Variants in COBLL1 observed in about 807,000 individuals in gnomAD.
The protein encoded by COBLL1 is cordon-bleu WH2 repeat protein like 1.
COBLL1 carries 50 observed loss-of-function variants against 94.8 expected under a neutral mutation model. That is an observed-to-expected ratio of 0.53 (90% CI 0.42 to 0.67). The LOEUF (loss-of-function observed/expected upper bound fraction) is 0.67, where lower values mean the gene tolerates loss of function less well. Ranked by LOEUF, COBLL1 falls within the 30% of genes least tolerant of loss-of-function variation. The probability of loss-of-function intolerance (pLI) is 0.00; values close to 1 mark genes in which losing one functional copy is unlikely to be tolerated. For synonymous variants in COBLL1, 448 were observed against 473.8 expected, an observed-to-expected ratio of 0.95 and a Z score of 0.71; for missense variants, 1,362 against 1,348.7, an observed-to-expected ratio of 1.01 and a Z score of -0.15.
chr2:164,704,337 G>T (rs533637492), intron 9 of COBLL1, 107 bp downstream of exon 9: 4 of 785,774 alleles, frequency 5.1e-6, no homozygotes, highest in Admixed American at 4.5e-5. Flanking sequence ...TGAGGCCAAA[G>T]AATCTGTATC....
chr2:164,674,768 T>C (rs1297464585), intron 1 of COBLL1, among the ~76,000 whole-genome samples: 1 of 152,214 alleles, frequency 6.6e-6, no homozygotes, highest in South Asian at 2.1e-4. Flanking sequence ...GCATGAATAA[T>C]ATAACATAGT....
intron 2 of COBLL1, among the ~76,000 whole-genome samples, chr2:164,775,233 A>T (rs568832321): frequency 6.6e-6 from 1 of 151,638 alleles, no homozygotes; most frequent in African/African-American, 2.4e-5. Context: ...TCTGGCTACC[A>T]CCCCCAACCC....
chr2:164,716,713 GCA>G (rs1254509960), intron 7 of COBLL1, among the ~76,000 whole-genome samples: 2 of 152,118 alleles, frequency 1.3e-5, no homozygotes, highest in African/African-American at 4.8e-5. Flanking sequence ...TTTGGAAACT[GCA>G]CAGTTAGTTT....
intron 3 of COBLL1, among the ~76,000 whole-genome samples, chr2:164,732,234 A>G (rs1428468464): frequency 1.3e-5 from 2 of 152,256 alleles, no homozygotes; most frequent in East Asian, 1.9e-4. Context: ...CTCAAAATAC[A>G]TTTCCTGTGT....
intron 2 of COBLL1, among the ~76,000 whole-genome samples, chr2:164,792,140 T>C (rs1683219697): frequency 6.6e-6 from 1 of 151,916 alleles, no homozygotes; most frequent in African/African-American, 2.4e-5. Context: ...ACTATTATTA[T>C]CATTTTGAGA....
At chr2:164,715,193 T>C (rs539120265) in intron 7 of COBLL1, among the ~76,000 whole-genome samples, 4 of 152,308 alleles carry the variant, frequency 2.6e-5, no homozygotes, top group East Asian at 3.9e-4. Flanking sequence ...GTATGTATTA[T>C]ATCTAGGAAA....
intron 2 of COBLL1, among the ~76,000 whole-genome samples, chr2:164,788,942 G>T (rs183959746): frequency 1.1e-4 from 16 of 151,962 alleles, no homozygotes; most frequent in African/African-American, 3.9e-4. Flanking sequence ...TTTGTAAAGT[G>T]AGTGGAATTT....
At chr2:164,668,859 G>T (rs2105386252) in intron 1 of COBLL1, among the ~76,000 whole-genome samples, 1 of 152,240 alleles carries the variant, frequency 6.6e-6, no homozygotes, top group East Asian at 1.9e-4. Flanking sequence ...TTTGAGTTCT[G>T]CCTGAATTTA....
In COBLL1 at chr2:164,788,858, T is replaced by C. The variant is rs536760980; in HGVS notation, c.42-44983A>G. Among the ~76,000 whole-genome samples, 177 of 147,418 alleles carry C rather than the reference T, an allele frequency of 1.2e-3. 2 individuals carry two copies. Among genetic ancestry groups the C allele is most frequent in the African/African-American group, 4.3e-3 (174 of 40,144 alleles). On this transcript the variant is annotated intron_variant, in intron 2 of 13. Transcript: ENST00000652658. ...TTTAACCAAAAAAAAAAAAGCCAGA[T>C]AACTAGAATAAAAAGTTCAAGAGAT...
At chr2:164,795,396 A>T (rs1228983454) in intron 2 of COBLL1, among the ~76,000 whole-genome samples, 2 of 152,190 alleles carry the variant, frequency 1.3e-5, no homozygotes, top group Non-Finnish European at 2.9e-5. Flanking sequence ...AAATGAATTA[A>T]ATATCAATTA....
Position 164,695,093 on chromosome 2 carries a change from T to G in COBLL1, c.2299A>C (p.Lys767Gln). The change falls in exon 12 of 14, where the codon AAG becomes CAG. Residue 767 changes from lysine (K) to glutamine (Q), a missense_variant. Physicochemically the swap from Lys to Gln is moderately conservative, Grantham distance 53. Coordinates refer to ENST00000652658, the MANE Select transcript of COBLL1 (RefSeq NM_001365672.2). ...DDQDMHALGK[K>Q]HTHENVKETA... ...TCTTTCACATTCTCATGAGTGTGCT[T>G]TTTCCCTAAAGCATGCATGTCCTGA... 6.2e-7 allele frequency: 1 copy of G among 1,613,918 alleles called. No individual in the cohort carries two copies. Among genetic ancestry groups the G allele is most frequent in the Non-Finnish European group, 8.5e-7 (1 of 1,179,946 alleles).
chr2:164,775,974 T>A (rs1688443506), intron 2 of COBLL1, among the ~76,000 whole-genome samples: 1 of 152,036 alleles, frequency 6.6e-6, no homozygotes, highest in Admixed American at 6.6e-5. Context: ...ACAGCCCCAA[T>A]ACAGTCCCAA....
At chr2:164,687,900 G>A (rs531396267) in intron 13 of COBLL1, 2 of 234,192 alleles carry the variant, frequency 8.5e-6, no homozygotes, top group Non-Finnish European at 1.7e-5. Flanking sequence ...ATTTGTTTTA[G>A]GCATTTAGAA....
intron 7 of COBLL1, among the ~76,000 whole-genome samples, chr2:164,713,671 C>T (rs1685020899): frequency 6.6e-6 from 1 of 152,096 alleles, no homozygotes; most frequent in African/African-American, 2.4e-5. Flanking sequence ...CTAAGCATGT[C>T]GTCATCAAAT....
At chr2:164,839,935 GAAAT>G (rs1292382458) in intron 2 of COBLL1, among the ~76,000 whole-genome samples, 2 of 152,218 alleles carry the variant, frequency 1.3e-5, no homozygotes, top group African/African-American at 4.8e-5. Context: ...TGAGCAAAAT[GAAAT>G]AATTAATACA....
At chr2:164,703,531 G>A (rs920257675) in intron 9 of COBLL1, 75 of 399,776 alleles carry the variant, frequency 1.9e-4, no homozygotes, top group Non-Finnish European at 1.1e-4. Flanking sequence ...TAAAAGCTGA[G>A]AAAAATCATT....
intron 2 of COBLL1, among the ~76,000 whole-genome samples, chr2:164,801,593 G>T (rs569316837): frequency 7.2e-5 from 11 of 152,064 alleles, no homozygotes; most frequent in African/African-American, 2.7e-4. Context: ...ACGCCAGCCT[G>T]AGAGAAAGAG....
intron 7 of COBLL1, among the ~76,000 whole-genome samples, chr2:164,719,326 G>C (rs1238949997): frequency 6.6e-6 from 1 of 152,152 alleles, no homozygotes; most frequent in Admixed American, 6.5e-5. Flanking sequence ...ATTGCAACTG[G>C]AAGAATACCG....
intron 2 of COBLL1, among the ~76,000 whole-genome samples, chr2:164,774,932 T>C (rs972128280): frequency 1.3e-5 from 2 of 151,564 alleles, no homozygotes; most frequent in Non-Finnish European, 2.9e-5. Context: ...GCAGTAATCA[T>C]CTCAATATGT....
Sources: allele counts gnomAD v4.1 joint callset (sites outside exome capture counted in the v4.1 genomes callset), GRCh38; gene constraint gnomAD v4.1.1; transcripts MANE v1.5; gene names NCBI Gene and HGNC (gene_info 2026-07-23, HGNC 2026-07-21).